EIF4G3: variants seen among roughly 807,000 people sequenced by gnomAD.
EIF4G3 encodes the protein eIF-4-gamma 3.
In EIF4G3, 34 loss-of-function variants were observed where a neutral mutation model predicts 186.4. The ratio of observed to expected loss-of-function variants is 0.18; its 90% CI spans 0.14 to 0.24. The LOEUF (loss-of-function observed/expected upper bound fraction) is 0.24. Among genes scored for constraint, EIF4G3 ranks in the 10% least tolerant of loss-of-function variants. The pLI, the probability that EIF4G3 is intolerant of heterozygous loss-of-function variation, is 1.00. For synonymous variants in EIF4G3, 673 were observed against 679.5 expected, an observed-to-expected ratio of 0.99 and a Z score of 0.15; for missense variants, 1,536 against 1,948.5, an observed-to-expected ratio of 0.79 and a Z score of 3.99.
chr1:21,017,974 T>C (rs1344333626), intron 4 of EIF4G3, among the ~76,000 whole-genome samples: 1 of 152,096 alleles, frequency 6.6e-6, no homozygotes, highest in Non-Finnish European at 1.5e-5. Context: ...GGTCTCACTC[T>C]GTTACCCAGG....
rs540444212 is a variant in EIF4G3 at position 21,156,147 on chromosome 1, A to C, written c.-272+20028T>G. 1.3e-4 allele frequency among the ~76,000 whole-genome samples: 20 copies of C among 151,806 alleles called. No individual in the cohort carries two copies. In the East Asian group the frequency reaches 3.9e-3, roughly 29 times the overall value. Reference sequence around the variant, plus strand: ...TGTCTCAAAAAAAAAAAAAACAACAAAAAAAAACTCAAGAGCTTTCAATCA... The same window carrying C: ...TGTCTCAAAAAAAAAAAAAACAACACAAAAAAACTCAAGAGCTTTCAATCA... On this transcript the variant is annotated intron_variant, in intron 2 of 36. Coordinates refer to ENST00000602326, the MANE Select transcript of EIF4G3 (RefSeq NM_001391906.1).
chr1:20,954,473 T>C (rs1257744793), intron 12 of EIF4G3, among the ~76,000 whole-genome samples: 2 of 139,920 alleles, frequency 1.4e-5, no homozygotes, highest in African/African-American at 5.4e-5. Context: ...GGGGTGGAGG[T>C]TGCAGTGAGC....
chr1:21,027,087 T>C (rs2092227441), intron 4 of EIF4G3, among the ~76,000 whole-genome samples: 3 of 151,850 alleles, frequency 2.0e-5, no homozygotes, highest in African/African-American at 7.3e-5. Flanking sequence ...AACAAGCCCA[T>C]GAAAATATGC....
intron 3 of EIF4G3, among the ~76,000 whole-genome samples, chr1:21,052,880 G>C (rs1316170096): frequency 6.6e-6 from 1 of 152,260 alleles, no homozygotes; most frequent in Non-Finnish European, 1.5e-5. Flanking sequence ...CGTTCACTCA[G>C]TGCTCAATGG....
At chr1:20,945,681 T>A (rs1435428626) in intron 13 of EIF4G3, among the ~76,000 whole-genome samples, 1 of 152,106 alleles carries the variant, frequency 6.6e-6, no homozygotes, top group Non-Finnish European at 1.5e-5. Flanking sequence ...ACTCAGCTGG[T>A]CTTGAATTCT....
chr1:21,064,257 G>T (rs2095111038), intron 3 of EIF4G3, among the ~76,000 whole-genome samples: 1 of 152,112 alleles, frequency 6.6e-6, no homozygotes, highest in Non-Finnish European at 1.5e-5. Context: ...CCCAGAGACT[G>T]CAAGGACACA....
chr1:20,814,707 A>C (rs1186116882), intron 34 of EIF4G3, among the ~76,000 whole-genome samples: 1 of 149,468 alleles, frequency 6.7e-6, no homozygotes, highest in African/African-American at 2.5e-5. Context: ...AAGGCAAAAC[A>C]AAAGCATTTA....
At chr1:20,955,510 C>T (rs1316462229) in intron 12 of EIF4G3, among the ~76,000 whole-genome samples, 2 of 152,134 alleles carry the variant, frequency 1.3e-5, no homozygotes, top group African/African-American at 4.8e-5. Flanking sequence ...GCGGAGATTA[C>T]AGGCATGAGC....
At chr1:20,837,407 T>C (rs1003632426) in intron 30 of EIF4G3, among the ~76,000 whole-genome samples, 5 of 152,166 alleles carry the variant, frequency 3.3e-5, no homozygotes, top group Admixed American at 3.3e-4. Context: ...GGTTTCACCA[T>C]GTTAGCCAGG....
Position 20,942,229 on chromosome 1 carries a change from T to C in EIF4G3, c.925A>G (p.Thr309Ala), listed in dbSNP as rs865997369. The change falls in exon 14 of 37, where the codon ACT becomes GCT. Residue 309 changes from threonine (T) to alanine (A), a missense_variant. Thr to Ala is a moderately conservative substitution (Grantham distance 58, BLOSUM62 0). This residue lies in a region of EIF4G3 where 560 missense variants were observed against 547.8 expected (regional missense o/e 1.02). Transcript: ENST00000602326. ...TCTGCTATGGATACTATTGCAGTAG[T>C]TTCAGATGTCTGGCCTTCTTGTTCT... ...KKEQEGQTSE[T>A]TAIVSIAELP... The C allele has an allele frequency of 1.9e-6, 3 of 1,614,180 alleles. No individual in the cohort carries two copies. The highest frequency in any genetic ancestry group is 2.2e-5 in the East Asian group (1 of 44,882).
At chr1:21,095,671 C>T (rs962544622) in intron 2 of EIF4G3, among the ~76,000 whole-genome samples, 14 of 152,106 alleles carry the variant, frequency 9.2e-5, no homozygotes, top group African/African-American at 3.1e-4. Context: ...GCCAGAAAAC[C>T]CCTTGTTCTG....
chr1:21,124,297 A>G (rs2096985211), intron 2 of EIF4G3, among the ~76,000 whole-genome samples: 1 of 151,974 alleles, frequency 6.6e-6, no homozygotes, highest in African/African-American at 2.4e-5. Flanking sequence ...AAGAAAAAAA[A>G]AAAATTCAAG....
intron 3 of EIF4G3, among the ~76,000 whole-genome samples, chr1:21,077,811 C>T (rs865883868): frequency 6.8e-6 from 1 of 148,058 alleles, no homozygotes; most frequent in Non-Finnish European, 1.5e-5. Context: ...ACCCAGGAGG[C>T]GGAGGTTGTG....
At chr1:21,162,955 T>TC (rs2097790441) in intron 2 of EIF4G3, among the ~76,000 whole-genome samples, 1 of 152,058 alleles carries the variant, frequency 6.6e-6, no homozygotes, top group Admixed American at 6.6e-5. Flanking sequence ...TGCCCTAACC[T>TC]CCCCTCAGCC....
At chr1:21,018,257 T>C (rs930041243) in intron 4 of EIF4G3, among the ~76,000 whole-genome samples, 5 of 152,266 alleles carry the variant, frequency 3.3e-5, no homozygotes, top group Middle Eastern at 3.4e-3. Flanking sequence ...AATGTAAATG[T>C]TCTTAATGCC....
intron 14 of EIF4G3, among the ~76,000 whole-genome samples, chr1:20,925,876 G>A (rs1304097273): frequency 2.0e-5 from 3 of 152,122 alleles, no homozygotes; most frequent in Non-Finnish European, 2.9e-5. Flanking sequence ...AGGTGATTCC[G>A]AGGTTACATG....
Position 20,942,285 on chromosome 1 carries a change from A to C in EIF4G3, c.869T>G (p.Val290Gly). The C allele has an allele frequency of 6.2e-7, 1 of 1,606,932 alleles. No homozygotes were observed. The highest frequency in any genetic ancestry group is 8.5e-7 in the Non-Finnish European group (1 of 1,177,524). ...CTCTCCACTGAGGACTAGCCTAAGGACTGGGGAAGGAGACTTTAACACTGG... is the reference window on the plus strand; with the variant it reads ...CTCTCCACTGAGGACTAGCCTAAGGCCTGGGGAAGGAGACTTTAACACTGG... ...PDPVLKSPSP[V>G]LRLVLSGEKK... The change falls in exon 14 of 37, where the codon GTC (valine) becomes GGC (glycine). Residue 290 changes from valine (V) to glycine (G), a missense_variant. Physicochemically the swap from Val to Gly is moderately radical, Grantham distance 109 (BLOSUM62 -3). Coordinates refer to ENST00000602326, the MANE Select transcript of EIF4G3 (RefSeq NM_001391906.1).
Position 20,973,082 on chromosome 1 carries a change from T to C in EIF4G3, c.511A>G (p.Ser171Gly), listed in dbSNP as rs1446859054. The C allele has an allele frequency of 2.5e-6, 4 of 1,610,146 alleles. No individual in the cohort carries two copies. Among genetic ancestry groups the C allele is most frequent in the Admixed American group, 1.7e-5 (1 of 58,890 alleles). ...PNAYGTPFYP[S>G]QPVYQSAPII... ...GGTGCTGACTGATACACCGGCTGACTTGGGTAAAAAGGCGTTCCTAAAAAG... is the reference window on the plus strand; with the variant it reads ...GGTGCTGACTGATACACCGGCTGACCTGGGTAAAAAGGCGTTCCTAAAAAG... The change falls in exon 11 of 37, where the codon AGT (serine) becomes GGT (glycine). Residue 171 changes from serine to glycine, a missense_variant. By Grantham distance (56) the Ser-to-Gly change is moderately conservative. Transcript: ENST00000602326.
chr1:20,986,954 T>C (rs982108404), intron 7 of EIF4G3, among the ~76,000 whole-genome samples: 3 of 152,056 alleles, frequency 2.0e-5, no homozygotes, highest in African/African-American at 7.2e-5. Flanking sequence ...CAGAGGAAGG[T>C]GAAAACTCTC....
Sources: allele counts gnomAD v4.1 joint callset (sites outside exome capture counted in the v4.1 genomes callset), GRCh38; gene constraint gnomAD v4.1.1; regional missense constraint gnomAD v4.1.1; transcripts MANE v1.5; gene names NCBI Gene and HGNC (gene_info 2026-07-23, HGNC 2026-07-21).